ALG8: variants seen among roughly 807,000 people sequenced by gnomAD.
ALG8 encodes the protein ALG8 alpha-1,3-glucosyltransferase, also known as dolichyl pyrophosphate Glc1Man9GlcNAc2 alpha-1,3-glucosyltransferase.
A neutral mutation model predicts 70.2 loss-of-function variants in ALG8; 48 were observed. The ratio of observed to expected loss-of-function variants is 0.68; its 90% CI spans 0.54 to 0.87. The LOEUF is 0.87. Ranked by LOEUF, ALG8 falls within the 40% of genes least tolerant of loss-of-function variation. The pLI, the probability that ALG8 is intolerant of heterozygous loss-of-function variation, is 0.00. For missense variants in ALG8, 572 were observed against 608.7 expected, an observed-to-expected ratio of 0.94 and a Z score of 0.64; for synonymous variants, 234 against 229.0, an observed-to-expected ratio of 1.02 and a Z score of -0.20.
chr11:78,124,133 C>T lies in ALG8; in HGVS notation c.256G>A (p.Asp86Asn), dbSNP rs1860954687. ...YILSHVAKYF[D>N]QEMLNVHNLN... ...TTATGGACATTCAGCATTTCTTGATCAAAATATTTGGCAACATGTGACAGG... is the reference window on the plus strand; with the variant it reads ...TTATGGACATTCAGCATTTCTTGATTAAAATATTTGGCAACATGTGACAGG... The change falls in exon 3 of 13, where the codon GAT becomes AAT. Residue 86 changes from aspartate (D) to asparagine (N), a missense_variant. Transcript: ENST00000299626. 1 of 1,613,938 alleles carries T rather than the reference C, an allele frequency of 6.2e-7. No individual in the cohort carries two copies. The highest frequency in any genetic ancestry group is 1.1e-5 in the South Asian group (1 of 91,078).
chr11:78,136,025 C>T (rs1249731793), intron 1 of ALG8, among the ~76,000 whole-genome samples: 8 of 151,772 alleles, frequency 5.3e-5, no homozygotes, highest in African/African-American at 1.5e-4. Context: ...AAAAAGTTAG[C>T]TGGGTGTAGT....
chr11:78,119,392 T>C (rs1194030480), intron 4 of ALG8, 143 bp from the exon 5 acceptor site: 2 of 647,662 alleles, frequency 3.1e-6, no homozygotes, highest in Non-Finnish European at 5.5e-6. Context: ...TGCTCATAAA[T>C]ATGTTTTCTA....
intron 1 of ALG8, chr11:78,135,157 C>T (rs931691649): frequency 5.3e-5 from 8 of 152,070 alleles, no homozygotes; most frequent in African/African-American, 1.9e-4. Flanking sequence ...AGTTCAAAAA[C>T]AGCCTGGGCA....
intron 8 of ALG8, among the ~76,000 whole-genome samples, chr11:78,111,645 T>C (rs559378665): frequency 2.0e-5 from 3 of 148,306 alleles, no homozygotes; most frequent in African/African-American, 4.9e-5. Flanking sequence ...CAGACACACA[T>C]ACACACACAC....
At chr11:78,115,461 C>T (rs767092655) in intron 5 of ALG8, among the ~76,000 whole-genome samples, 14 of 152,040 alleles carry the variant, frequency 9.2e-5, no homozygotes, top group Non-Finnish European at 1.9e-4. Flanking sequence ...TCGTTTACTG[C>T]AACCTCCACT....
intron 1 of ALG8, among the ~76,000 whole-genome samples, chr11:78,136,261 G>C (rs1259945246): frequency 1.3e-5 from 2 of 151,408 alleles, no homozygotes; most frequent in East Asian, 3.9e-4. Flanking sequence ...CCAGGAGTTC[G>C]AGATCAGCCT....
At chr11:78,127,992 A>G (rs11237401) in intron 1 of ALG8, among the ~76,000 whole-genome samples, 67,605 of 152,040 alleles carry the variant, frequency 0.44, 15,153 homozygotes, top group Non-Finnish European at 0.46. Context: ...GTGAGCCACC[A>G]CGCCCGGCCT....
intron 4 of ALG8, 55 bp downstream of exon 4, chr11:78,121,010 G>A (rs749447530): frequency 1.7e-5 from 24 of 1,404,480 alleles, no homozygotes; most frequent in Non-Finnish European, 2.2e-5. Flanking sequence ...CATTAATCTT[G>A]TATTAGTATA....
chr11:78,102,613 A>C (rs1224828173), intron 12 of ALG8, among the ~76,000 whole-genome samples: 1 of 152,196 alleles, frequency 6.6e-6, no homozygotes, highest in Non-Finnish European at 1.5e-5. Context: ...ATAGTTAATT[A>C]TATAAGTTTT....
intron 1 of ALG8, among the ~76,000 whole-genome samples, chr11:78,134,837 T>C (rs578156): frequency 1 from 152,346 of 152,348 alleles, 76,172 homozygotes; most frequent in Non-Finnish European, 1. Flanking sequence ...GCAGTTACTT[T>C]TTCCAATGAA....
At chr11:78,125,763 C>T (rs1006424011) in intron 2 of ALG8, among the ~76,000 whole-genome samples, 2 of 152,048 alleles carry the variant, frequency 1.3e-5, no homozygotes, top group African/African-American at 2.4e-5. Context: ...CAGCCGAGAT[C>T]GTGCCATTGC....
At chr11:78,106,670 G>T in intron 10 of ALG8, 137 bp downstream of exon 10, 1 of 1,124,476 alleles carries the variant, frequency 8.9e-7, no homozygotes, top group Non-Finnish European at 1.3e-6. Flanking sequence ...TCCCTGTCCT[G>T]TCCTAGTGGA....
At position 78,113,861 on chromosome 11, in the gene ALG8, G is replaced by GAAAAAA. The variant is rs111652232; in HGVS notation, c.777+19_777+24dup. The GAAAAAA allele has an allele frequency of 1.6e-3, 2,043 of 1,241,516 alleles. 1 individual carries two copies. Among genetic ancestry groups the GAAAAAA allele is most frequent in the South Asian group, 4.5e-3 (305 of 67,532 alleles). 76.9% of individuals were successfully genotyped at this position (1,241,516 alleles called of 1,614,324 possible). On this transcript the variant is annotated intron_variant, in intron 7 of 12. Coordinates refer to ENST00000299626, the MANE Select transcript of ALG8 (RefSeq NM_024079.5). ...CACCAACAAAGAACATGTATTAATT[G>GAAAAAA]AAAAAAAAAAAAAAAAAGGCTTACC...
intron 1 of ALG8, among the ~76,000 whole-genome samples, chr11:78,135,814 C>T (rs895310129): frequency 3.3e-5 from 5 of 150,468 alleles, no homozygotes; most frequent in African/African-American, 4.9e-5. Flanking sequence ...TGCCACTACA[C>T]TCCAGCATGG....
chr11:78,106,363 A>C (rs1050358627), intron 10 of ALG8, among the ~76,000 whole-genome samples: 2 of 151,968 alleles, frequency 1.3e-5, no homozygotes, highest in African/African-American at 4.8e-5. Context: ...ATGCCCAGCT[A>C]ATTTTTTGTA....
At chr11:78,137,980 G>A (rs1394972640) in intron 1 of ALG8, among the ~76,000 whole-genome samples, 1 of 152,118 alleles carries the variant, frequency 6.6e-6, no homozygotes, top group East Asian at 1.9e-4. Context: ...CAAAAAATGA[G>A]GTATTCCTGT....
At chr11:78,119,551 C>T (rs920439529) in intron 4 of ALG8, among the ~76,000 whole-genome samples, 1 of 151,428 alleles carries the variant, frequency 6.6e-6, no homozygotes, top group Non-Finnish European at 1.5e-5. Flanking sequence ...GCTTCAGCCT[C>T]CCGAGTAGCT....
At chr11:78,117,499 A>G (rs1860628348) in intron 5 of ALG8, among the ~76,000 whole-genome samples, 1 of 151,976 alleles carries the variant, frequency 6.6e-6, no homozygotes, top group Non-Finnish European at 1.5e-5. Flanking sequence ...CAAGGCCAGG[A>G]GTTCAAGACC....
intron 1 of ALG8, among the ~76,000 whole-genome samples, chr11:78,136,047 G>C (rs1212818832): frequency 2.6e-5 from 4 of 151,994 alleles, no homozygotes; most frequent in Admixed American, 2.6e-4. Context: ...GTGTGCACCT[G>C]TAGTTCAAGC....
Sources: allele counts gnomAD v4.1 joint callset (sites outside exome capture counted in the v4.1 genomes callset), GRCh38; gene constraint gnomAD v4.1.1; transcripts MANE v1.5; gene names NCBI Gene and HGNC (gene_info 2026-07-23, HGNC 2026-07-21).